Variants in LIG1 observed in about 807,000 individuals in gnomAD.
The protein encoded by LIG1 is ligase I, DNA, ATP-dependent.
LIG1 carries 70 observed loss-of-function variants against 115.7 expected under a neutral mutation model. That is an observed-to-expected ratio of 0.60 (90% CI 0.50 to 0.74). The LOEUF is 0.74. Among genes scored for constraint, LIG1 ranks in the 30% least tolerant of loss-of-function variants. LIG1 has a pLI of 0.00. For missense variants in LIG1, 1,115 were observed against 1,225.6 expected, an observed-to-expected ratio of 0.91 and a Z score of 1.35; for synonymous variants, 487 against 495.3, an observed-to-expected ratio of 0.98 and a Z score of 0.22.
At chr19:48,135,637 T>A in intron 16 of LIG1, 43 bp downstream of exon 16, 14 of 1,437,800 alleles carry the variant, frequency 9.7e-6, no homozygotes, top group Non-Finnish European at 1.4e-5. Flanking sequence ...CCTGGCACTC[T>A]GCCCACAGCC....
At chr19:48,151,205 G>A in intron 7 of LIG1, 27 bp downstream of exon 7, 1 of 1,433,060 alleles carries the variant, frequency 7.0e-7, no homozygotes, top group Non-Finnish European at 9.9e-7. Context: ...AGGTGGGGCA[G>A]GGCGGAGGAG....
intron 2 of LIG1, among the ~76,000 whole-genome samples, chr19:48,164,137 A>C (rs2036348006): frequency 6.6e-6 from 1 of 152,096 alleles, no homozygotes; most frequent in Non-Finnish European, 1.5e-5. Context: ...ACCTCTCTGT[A>C]CTGTCTTTGC....
chr19:48,146,394 A>G (rs1049930468), intron 9 of LIG1, among the ~76,000 whole-genome samples: 1 of 152,256 alleles, frequency 6.6e-6, no homozygotes, highest in Admixed American at 6.5e-5. Flanking sequence ...AGTATGACGC[A>G]GTGAGTCCAA....
chr19:48,118,218 G>A (rs1253685892), intron 25 of LIG1, among the ~76,000 whole-genome samples: 1 of 152,176 alleles, frequency 6.6e-6, no homozygotes, highest in African/African-American at 2.4e-5. Flanking sequence ...GTGGGACAGA[G>A]ATGGTGTCAG....
rs569132800 is a variant in LIG1 at position 48,166,975 on chromosome 19, G to C, written c.-57-1352C>G. On this transcript the variant is annotated intron_variant, in intron 1 of 27. Transcript: ENST00000263274. ...ACTCTGTCTCAAAAAAAAAAAAAAAGAAAGAAAAAGAAAGAAAAAGAAAAA... is the reference window on the plus strand; with the variant it reads ...ACTCTGTCTCAAAAAAAAAAAAAAACAAAGAAAAAGAAAGAAAAAGAAAAA... Among the ~76,000 whole-genome samples, 33 of 113,366 alleles carry C rather than the reference G, an allele frequency of 2.9e-4. No individual in the cohort carries two copies. In the East Asian group the frequency reaches 7.1e-3, roughly 24 times the overall value. The allele number at this position is 113,366 out of a possible 152,430, so 74.4% of individuals were successfully genotyped here.
intron 25 of LIG1, chr19:48,118,602 G>A (rs1202739010): frequency 1.4e-5 from 2 of 141,128 alleles, no homozygotes; most frequent in Non-Finnish European, 3.0e-5. Context: ...GCAATGGCAT[G>A]ATTTCAGCTC....
intron 17 of LIG1, 122 bp downstream of exon 17, chr19:48,133,859 G>A: frequency 2.6e-6 from 2 of 777,148 alleles, no homozygotes; most frequent in Non-Finnish European, 4.5e-6. Flanking sequence ...AGGAGCATTT[G>A]GTTTTGGTGG....
At chr19:48,117,456 G>A (rs535606475) in intron 26 of LIG1, among the ~76,000 whole-genome samples, 182 bp downstream of exon 26, 4 of 152,296 alleles carry the variant, frequency 2.6e-5, no homozygotes, top group Non-Finnish European at 5.9e-5. Flanking sequence ...CCCCATGCCC[G>A]GCCCATTTTT....
At chr19:48,130,989 T>C in intron 19 of LIG1, 87 bp downstream of exon 19, 2 of 1,057,460 alleles carry the variant, frequency 1.9e-6, no homozygotes, top group South Asian at 1.3e-5. Flanking sequence ...AACCCCGCAC[T>C]GTGCCACACT....
rs571653746 is a variant in LIG1 at position 48,149,770 on chromosome 19, C to G, written c.769G>C (p.Ala257Pro). ...EPGAPGKEGA[A>P]EGPLDPSGYN... is the part of the protein sequence containing the mutation. ...ACCTGGACACTGACTCACCCCTCAG[C>G]AGCTCCCTCCTTTCCTGGAGCCCCT... is the stretch of plus-strand genomic sequence containing the variant. The change falls in exon 9 of 28, where the codon GCT (alanine) becomes CCT (proline). Residue 257 changes from alanine (A) to proline (P), a missense_variant. Ala to Pro is a conservative substitution (Grantham distance 27). Coordinates refer to ENST00000263274, the MANE Select transcript of LIG1 (RefSeq NM_000234.3). 8 of 1,613,680 alleles carry G rather than the reference C, an allele frequency of 5.0e-6. No individual in the cohort carries two copies. The Admixed American group carries it at 1.3e-4, about 27-fold the overall frequency.
chr19:48,119,053 G>A, intron 25 of LIG1, 84 bp downstream of exon 25: 3 of 1,158,620 alleles, frequency 2.6e-6, no homozygotes, highest in Non-Finnish European at 3.8e-6. Flanking sequence ...GATGGTGGAA[G>A]CCAAGAGCCC....
intron 2 of LIG1, 83 bp downstream of exon 2, chr19:48,165,467 G>C: frequency 1.8e-6 from 2 of 1,135,450 alleles, no homozygotes; most frequent in South Asian, 1.2e-5. Context: ...TTGTTTGTTT[G>C]TTTGTTTTTT....
chr19:48,157,263 G>C, intron 4 of LIG1, 123 bp from the exon 5 acceptor site: 11 of 1,112,852 alleles, frequency 9.9e-6, no homozygotes, highest in African/African-American at 1.6e-5. Context: ...TATGGTCTCA[G>C]CCCTAACTCA....
chr19:48,166,686 C>T (rs919065966), intron 1 of LIG1, among the ~76,000 whole-genome samples: 3 of 151,862 alleles, frequency 2.0e-5, no homozygotes, highest in African/African-American at 7.3e-5. Context: ...GAAAGGGTTC[C>T]TAGGCCGGGC....
chr19:48,119,529 CTTTTTTTTTT>C (rs71334267), intron 24 of LIG1, among the ~76,000 whole-genome samples: 5 of 67,980 alleles, frequency 7.4e-5, no homozygotes, highest in African/African-American at 1.4e-4. Flanking sequence ...CACTTCCAGT[CTTTTTTTTTT>C]TTTTTTTTTT....
chr19:48,140,210 T>C, intron 11 of LIG1, 67 bp from the exon 12 acceptor site: 1 of 1,154,254 alleles, frequency 8.7e-7, no homozygotes, highest in South Asian at 1.3e-5. Flanking sequence ...CGGGGTGGGG[T>C]GGGTTTAAGG....
chr19:48,157,223 A>C, intron 4 of LIG1, 83 bp from the exon 5 acceptor site: 1 of 1,421,358 alleles, frequency 7.0e-7, no homozygotes, highest in East Asian at 2.4e-5. Flanking sequence ...AGGGGACTGA[A>C]ACCTCTCTGT....
At chr19:48,121,707 A>C (rs1259436992) in intron 23 of LIG1, among the ~76,000 whole-genome samples, 1 of 152,214 alleles carries the variant, frequency 6.6e-6, no homozygotes, top group Non-Finnish European at 1.5e-5. Context: ...AGGCTGAGGC[A>C]GGGGAATCGC....
intron 17 of LIG1, among the ~76,000 whole-genome samples, chr19:48,133,777 G>A (rs2034195607): frequency 6.6e-6 from 1 of 152,150 alleles, no homozygotes; most frequent in African/African-American, 2.4e-5. Flanking sequence ...TATCACAGCA[G>A]TGTCACCTAC....
Sources: allele counts gnomAD v4.1 joint callset (sites outside exome capture counted in the v4.1 genomes callset), GRCh38; gene constraint gnomAD v4.1.1; transcripts MANE v1.5; gene names NCBI Gene and HGNC (gene_info 2026-07-23, HGNC 2026-07-21).